TBC1D19: variants seen among roughly 807,000 people sequenced by gnomAD.
TBC1D19 encodes TBC1 domain family, member 19.
In TBC1D19, 60 loss-of-function variants were observed where a neutral mutation model predicts 89.0. The observed-to-expected ratio is 0.67, with a 90% CI of 0.55 to 0.84. The LOEUF is 0.84. TBC1D19 is among the 40% of genes least tolerant of loss of function. The pLI is 0.00. For synonymous variants in TBC1D19, 189 were observed against 199.7 expected (o/e 0.95, Z 0.45); for missense variants, 500 against 610.8 (o/e 0.82, Z 1.91).
intron 11 of TBC1D19, among the ~76,000 whole-genome samples, chr4:26,677,146 G>A (rs1712889757): frequency 6.6e-6 from 1 of 151,932 alleles, no homozygotes; most frequent in African/African-American, 2.4e-5. Flanking sequence ...CCTAGCTCCT[G>A]AATATCATAT....
intron 13 of TBC1D19, among the ~76,000 whole-genome samples, chr4:26,693,955 C>T (rs1714526871): frequency 1.3e-5 from 2 of 152,150 alleles, no homozygotes; most frequent in Admixed American, 1.3e-4. Context: ...CTCCAGTCTA[C>T]AGCTCCCAGA....
the TBC1D19 span, among the ~76,000 whole-genome samples, chr4:26,853,577 G>A: frequency 4.3e-4 from 65 of 151,428 alleles, no homozygotes; most frequent in East Asian, 0.011. Context: ...TCGCTCCGTC[G>A]CCCAGGCTGG....
chr4:26,695,516 A>G (rs539410230), intron 13 of TBC1D19, among the ~76,000 whole-genome samples: 3 of 152,266 alleles, frequency 2.0e-5, no homozygotes, highest in Non-Finnish European at 4.4e-5. Flanking sequence ...GAATGCCACA[A>G]AGATACACCT....
chr4:26,823,021 G>A, the TBC1D19 span, among the ~76,000 whole-genome samples: 2 of 152,088 alleles, frequency 1.3e-5, no homozygotes, highest in Non-Finnish European at 2.9e-5. Flanking sequence ...TTGTTTCCAC[G>A]CTGCTAATAA....
the TBC1D19 span, among the ~76,000 whole-genome samples, chr4:26,838,436 A>G: frequency 6.6e-6 from 1 of 152,220 alleles, no homozygotes; most frequent in African/African-American, 2.4e-5. Flanking sequence ...GCTGGCTGAC[A>G]TATATGACTT....
the TBC1D19 span, among the ~76,000 whole-genome samples, chr4:26,822,013 CAG>C: frequency 9.2e-5 from 14 of 152,368 alleles, no homozygotes; most frequent in Middle Eastern, 3.4e-3. Flanking sequence ...CATGGGGAAA[CAG>C]ATCACTTAGT....
At chr4:26,637,563 G>A (rs555432284) in intron 5 of TBC1D19, among the ~76,000 whole-genome samples, 2 of 152,088 alleles carry the variant, frequency 1.3e-5, no homozygotes, top group East Asian at 1.9e-4. Flanking sequence ...TGATAGAGAC[G>A]GGGTTTCACT....
At chr4:26,810,753 A>G in the TBC1D19 span, among the ~76,000 whole-genome samples, 151 of 152,230 alleles carry the variant, frequency 9.9e-4, 1 homozygote, top group Non-Finnish European at 1.6e-3. Context: ...TGTGCTATCA[A>G]GCCATTCTGT....
chr4:26,849,797 A>G, the TBC1D19 span, among the ~76,000 whole-genome samples: 1 of 152,312 alleles, frequency 6.6e-6, no homozygotes, highest in East Asian at 1.9e-4. Flanking sequence ...TTTAAATCCT[A>G]AATCCATTTC....
intron 13 of TBC1D19, among the ~76,000 whole-genome samples, chr4:26,693,586 T>C (rs1714485647): frequency 6.6e-6 from 1 of 151,654 alleles, no homozygotes; most frequent in Non-Finnish European, 1.5e-5. Context: ...TCCCAGCTAC[T>C]CAGGAGGCTG....
chr4:26,822,000 C>T, the TBC1D19 span, among the ~76,000 whole-genome samples: 1 of 152,258 alleles, frequency 6.6e-6, no homozygotes, highest in South Asian at 2.1e-4. Context: ...GCAGCAGTCG[C>T]CACATGGGGA....
the TBC1D19 span, among the ~76,000 whole-genome samples, chr4:26,773,922 A>G: frequency 1.3e-5 from 2 of 152,174 alleles, no homozygotes; most frequent in Non-Finnish European, 2.9e-5. Flanking sequence ...CCTCTTTATT[A>G]GAAGCCTTGC....
rs547384386 is a variant in TBC1D19 at position 26,755,169 on chromosome 4, A to G, written c.*222A>G. On this transcript the variant is annotated 3_prime_UTR_variant, in exon 21 of 21. Transcript: ENST00000264866. ...GATTTTCAAGAGAGAAGCAATAAAC[A>G]CAACTTCTGCTAAATTGAGCATTAT... 10 of 232,508 alleles carry G rather than the reference A, an allele frequency of 4.3e-5. No individual in the cohort carries two copies. In the East Asian group the frequency reaches 8.8e-4, roughly 21 times the overall value. The allele number at this position is 232,508 out of a possible 1,614,324, so 14.4% of individuals were successfully genotyped here. A position where few individuals can be genotyped will look rare whatever the true frequency, so the allele number is the denominator to read the frequency against.
chr4:26,817,422 G>T, the TBC1D19 span, among the ~76,000 whole-genome samples: 72 of 152,294 alleles, frequency 4.7e-4, no homozygotes, highest in African/African-American at 1.7e-3. Flanking sequence ...ATTTAGAGCT[G>T]GTTTTGGATC....
chr4:26,636,488 T>TAAAAAA (rs71643685), intron 4 of TBC1D19, among the ~76,000 whole-genome samples: 7 of 130,986 alleles, frequency 5.3e-5, no homozygotes, highest in African/African-American at 8.4e-5. Flanking sequence ...GTCAGTATCA[T>TAAAAAA]AAAAAAAAAA....
intron 9 of TBC1D19, among the ~76,000 whole-genome samples, chr4:26,668,239 A>G (rs1422661139): frequency 6.6e-6 from 1 of 152,052 alleles, no homozygotes; most frequent in Non-Finnish European, 1.5e-5. Flanking sequence ...GAAAGGAAGT[A>G]GTAACACAGC....
At chr4:26,638,729 C>CA in intron 5 of TBC1D19, 42 bp from the exon 6 acceptor site, 1 of 1,522,580 alleles carries the variant, frequency 6.6e-7, no homozygotes, top group South Asian at 1.2e-5. Context: ...TGCTAGACTT[C>CA]AAAAAATGAA....
At chr4:26,733,817 G>A (rs1006017577) in intron 15 of TBC1D19, among the ~76,000 whole-genome samples, 2 of 152,126 alleles carry the variant, frequency 1.3e-5, no homozygotes. Context: ...CGTGAAGTCC[G>A]GGAACAACTG....
At chr4:26,792,016 G>A in the TBC1D19 span, among the ~76,000 whole-genome samples, 2 of 152,176 alleles carry the variant, frequency 1.3e-5, no homozygotes, top group Non-Finnish European at 2.9e-5. Context: ...CTCATACTAG[G>A]TGGTCTGGGA....
Sources: allele counts gnomAD v4.1 joint callset (sites outside exome capture counted in the v4.1 genomes callset), GRCh38; gene constraint gnomAD v4.1.1; transcripts MANE v1.5; gene names NCBI Gene and HGNC (gene_info 2026-07-23, HGNC 2026-07-21).